The following PARD3 variants were observed in gnomAD, a reference collection of about 807,000 sequenced individuals.
PARD3 encodes the protein par-3 family cell polarity regulator, also known as partitioning defective 3 homolog.
PARD3 carries 75 observed loss-of-function variants against 155.4 expected under a neutral mutation model. That is an observed-to-expected ratio of 0.48 (90% CI 0.40 to 0.58). PARD3 has a LOEUF of 0.58. Ranked by LOEUF, PARD3 falls within the 20% of genes least tolerant of loss-of-function variation. PARD3 has a pLI of 0.00. For synonymous variants in PARD3, 576 were observed against 610.5 expected (o/e 0.94, Z 0.83); for missense variants, 1,642 against 1,721.7 (o/e 0.95, Z 0.82).
intron 9 of PARD3, among the ~76,000 whole-genome samples, chr10:34,380,540 T>C (rs1841719947): frequency 6.6e-6 from 1 of 152,148 alleles, no homozygotes; most frequent in African/African-American, 2.4e-5. Context: ...AACATAAAAA[T>C]TAGATATACT....
At chr10:34,723,094 A>G (rs1291975761) in intron 1 of PARD3, among the ~76,000 whole-genome samples, 1 of 152,142 alleles carries the variant, frequency 6.6e-6, no homozygotes, top group Non-Finnish European at 1.5e-5. Flanking sequence ...CTATAATTCC[A>G]GCACTTTGGG....
intron 3 of PARD3, among the ~76,000 whole-genome samples, chr10:34,470,873 T>A (rs1231831124): frequency 1.3e-5 from 2 of 152,192 alleles, no homozygotes; most frequent in Admixed American, 1.3e-4. Flanking sequence ...AAGAGAGGAT[T>A]TGAAATGTTT....
rs143387340 is a variant in PARD3, at chr10:34,524,622, T to C, written c.223-7463A>G. Among the ~76,000 whole-genome samples the C allele has an allele frequency of 3.2e-3, 491 of 152,290 alleles. 5 individuals are homozygous for C. The highest frequency in any genetic ancestry group is 0.011 in the African/African-American group (462 of 41,566). On this transcript the variant is annotated intron_variant, in intron 2 of 24. Transcript: ENST00000374788. ...AGCTAACTGACCCACCTGCCAAATA[T>C]AATATAAACCCCTCTTGCTCTACTC...
At chr10:34,225,851 T>C (rs1952572640) in intron 22 of PARD3, among the ~76,000 whole-genome samples, 1 of 151,796 alleles carries the variant, frequency 6.6e-6, no homozygotes, top group Non-Finnish European at 1.5e-5. Flanking sequence ...AGATATGACA[T>C]CAAAAGCATG....
At chr10:34,619,144 G>A (rs925367833) in intron 2 of PARD3, among the ~76,000 whole-genome samples, 1 of 151,070 alleles carries the variant, frequency 6.6e-6, no homozygotes, top group Non-Finnish European at 1.5e-5. Flanking sequence ...TCCACCTCCT[G>A]GGTTCAAGCA....
At chr10:34,665,906 A>AGAACAGAACAG (rs1554804216) in intron 2 of PARD3, among the ~76,000 whole-genome samples, 3 of 147,218 alleles carry the variant, frequency 2.0e-5, no homozygotes, top group African/African-American at 5.1e-5. Flanking sequence ...AGAACAGAAC[A>AGAACAGAACAG]AAAAGAAAAG....
chr10:34,539,564 G>A (rs1022139685), intron 2 of PARD3, among the ~76,000 whole-genome samples: 1 of 152,180 alleles, frequency 6.6e-6, no homozygotes, highest in African/African-American at 2.4e-5. Context: ...GAAGGCTTAG[G>A]CAGGGAGAAT....
At chr10:34,545,494 T>C (rs1378544569) in intron 2 of PARD3, among the ~76,000 whole-genome samples, 1 of 151,950 alleles carries the variant, frequency 6.6e-6, no homozygotes, top group Non-Finnish European at 1.5e-5. Flanking sequence ...ATAACTGCCT[T>C]ACAAAAAAAT....
chr10:34,479,359 C>T (rs1235148166), intron 3 of PARD3, among the ~76,000 whole-genome samples: 1 of 151,988 alleles, frequency 6.6e-6, no homozygotes, highest in Non-Finnish European at 1.5e-5. Context: ...GACAGGGTTT[C>T]ACTGTGTTAG....
intron 23 of PARD3, among the ~76,000 whole-genome samples, chr10:34,119,998 TCTTTA>T (rs1946898517): frequency 2.0e-5 from 3 of 148,328 alleles, no homozygotes; most frequent in African/African-American, 5.0e-5. Flanking sequence ...TTTCTAGTCT[TCTTTA>T]ATTTTTTTTT....
At chr10:34,740,748 G>C (rs2094994406) in intron 1 of PARD3, among the ~76,000 whole-genome samples, 1 of 151,800 alleles carries the variant, frequency 6.6e-6, no homozygotes, top group Non-Finnish European at 1.5e-5. Context: ...TCTTCATTCT[G>C]AACAACAAAA....
chr10:34,381,218 C>G (rs976505949), intron 9 of PARD3, among the ~76,000 whole-genome samples: 2 of 152,122 alleles, frequency 1.3e-5, no homozygotes, highest in African/African-American at 2.4e-5. Flanking sequence ...GTCTGAATAT[C>G]CGGATATGGA....
intron 22 of PARD3, among the ~76,000 whole-genome samples, chr10:34,267,932 G>A (rs1416596879): frequency 1.3e-5 from 2 of 152,138 alleles, no homozygotes; most frequent in Non-Finnish European, 2.9e-5. Context: ...AAGCTTGAGA[G>A]CCCCTGGTTT....
At chr10:34,760,297 C>T (rs1564590309) in intron 1 of PARD3, among the ~76,000 whole-genome samples, 1 of 152,158 alleles carries the variant, frequency 6.6e-6, no homozygotes, top group Non-Finnish European at 1.5e-5. Context: ...GCTGCGATTA[C>T]AGACATGAGC....
chr10:34,153,483 T>C (rs1331013703), intron 22 of PARD3, among the ~76,000 whole-genome samples: 2 of 152,152 alleles, frequency 1.3e-5, no homozygotes, highest in African/African-American at 4.8e-5. Context: ...GACCAGACAA[T>C]TGAAGTCCTT....
chr10:34,755,721 T>A (rs1045013932), intron 1 of PARD3, among the ~76,000 whole-genome samples: 1 of 152,188 alleles, frequency 6.6e-6, no homozygotes, highest in Non-Finnish European at 1.5e-5. Context: ...GGAATTGAGA[T>A]GAGGAATGGG....
chr10:34,814,935 T>C lies in PARD3; in HGVS notation c.61A>G (p.Met21Val), dbSNP rs368117919. ...TGCTGGATGAGGCTGAAAACTTTCA[T>C]GTGGCCGTCCCCGCACGGCACGACC... is the stretch of plus-strand genomic sequence containing the variant. ...RVVVPCGDGHMKVFSLIQQAV... is the reference protein window; with the variant it reads ...RVVVPCGDGHVKVFSLIQQAV... The change falls in exon 1 of 25, where the codon ATG (methionine) becomes GTG (valine). Residue 21 changes from methionine to valine, a missense_variant. By Grantham distance (21) the Met-to-Val change is conservative. Around this residue, in one of 3 missense-constraint regions of PARD3, gnomAD observed 75 missense variants for 65.3 expected, o/e 1.15. Coordinates refer to ENST00000374788, the MANE Select transcript of PARD3 (RefSeq NM_001184785.2). The C allele has an allele frequency of 1.9e-5, 30 of 1,566,304 alleles. No homozygotes were observed. The highest frequency in any genetic ancestry group is 2.8e-5 in the African/African-American group (2 of 70,840).
At chr10:34,181,747 A>T (rs531004942) in intron 22 of PARD3, among the ~76,000 whole-genome samples, 90 of 152,218 alleles carry the variant, frequency 5.9e-4, no homozygotes, top group African/African-American at 2.1e-3. Flanking sequence ...AAACTTCATC[A>T]TTCAGGAAGT....
At chr10:34,282,579 T>C (rs1956208298) in intron 21 of PARD3, among the ~76,000 whole-genome samples, 1 of 152,174 alleles carries the variant, frequency 6.6e-6, no homozygotes, top group South Asian at 2.1e-4. Context: ...AAGAAATGTT[T>C]AGAAGATGAA....
Sources: gnomAD v4.1 joint callset for allele counts (sites outside exome capture counted in the v4.1 genomes callset) on GRCh38, gnomAD v4.1.1 for gene constraint, gnomAD v4.1.1 regional missense constraint, MANE v1.5 for transcripts, NCBI Gene and HGNC (gene_info 2026-07-23, HGNC 2026-07-21) for gene names.